DPP6: variants seen among roughly 807,000 people sequenced by gnomAD.
The protein encoded by DPP6 is A-type potassium channel modulatory protein DPP6.
DPP6 carries 69 observed loss-of-function variants against 122.6 expected under a neutral mutation model. The observed-to-expected ratio is 0.56, with a 90% CI of 0.46 to 0.69. The LOEUF (loss-of-function observed/expected upper bound fraction) is 0.69. Among genes scored for constraint, DPP6 ranks in the 30% least tolerant of loss-of-function variants. The pLI, the probability that DPP6 is intolerant of heterozygous loss-of-function variation, is 0.00. For missense variants in DPP6, 928 were observed against 1,116.9 expected (o/e 0.83, Z 2.41); for synonymous variants, 418 against 433.1 (o/e 0.97, Z 0.43).
At chr7:154,183,372 A>G (rs1798190797) in intron 1 of DPP6, among the ~76,000 whole-genome samples, 1 of 152,234 alleles carries the variant, frequency 6.6e-6, no homozygotes, top group Non-Finnish European at 1.5e-5. Flanking sequence ...AATGAAAAAC[A>G]GAAGGTGCCT....
chr7:154,788,854 C>T (rs114445894), intron 10 of DPP6, among the ~76,000 whole-genome samples: 2,458 of 152,296 alleles, frequency 0.016, 64 homozygotes, highest in African/African-American at 0.057. Flanking sequence ...TTTACACCTC[C>T]ATGTCACCTT....
intron 1 of DPP6, among the ~76,000 whole-genome samples, chr7:154,379,818 A>C (rs1300475808): frequency 6.6e-6 from 1 of 152,226 alleles, no homozygotes; most frequent in Non-Finnish European, 1.5e-5. Context: ...AACTTAAGCC[A>C]ATAGCCAAAC....
At chr7:154,566,640 T>G (rs6959418) in intron 4 of DPP6, among the ~76,000 whole-genome samples, 1 of 151,912 alleles carries the variant, frequency 6.6e-6, no homozygotes, top group African/African-American at 2.4e-5. Context: ...ATAAGTATGT[T>G]TTGTTGAAAT....
intron 1 of DPP6, among the ~76,000 whole-genome samples, chr7:154,422,377 G>A (rs961122599): frequency 4.6e-5 from 7 of 152,252 alleles, no homozygotes; most frequent in African/African-American, 1.7e-4. Context: ...TGTGTATGTG[G>A]GTGGGAACTA....
At chr7:154,428,657 A>G (rs1818105908) in intron 1 of DPP6, among the ~76,000 whole-genome samples, 1 of 152,246 alleles carries the variant, frequency 6.6e-6, no homozygotes, top group Non-Finnish European at 1.5e-5. Context: ...ACCATGGAAT[A>G]CTACTCAGCC....
At chr7:154,533,432 A>G (rs1399737672) in intron 3 of DPP6, among the ~76,000 whole-genome samples, 4 of 152,220 alleles carry the variant, frequency 2.6e-5, no homozygotes, top group African/African-American at 9.6e-5. Context: ...AAGAACTTGC[A>G]TCTGTAATTT....
At chr7:154,307,858 A>G (rs899960761) in intron 1 of DPP6, among the ~76,000 whole-genome samples, 4 of 148,864 alleles carry the variant, frequency 2.7e-5, no homozygotes, top group Non-Finnish European at 4.5e-5. Context: ...AAAGAGGAAT[A>G]TGTTTCTTTT....
intron 1 of DPP6, among the ~76,000 whole-genome samples, chr7:153,993,157 T>G (rs1471410825): frequency 1.3e-5 from 2 of 152,212 alleles, no homozygotes; most frequent in Non-Finnish European, 2.9e-5. Flanking sequence ...CACTAAAATG[T>G]AAGCTTTGTT....
intron 1 of DPP6, among the ~76,000 whole-genome samples, chr7:154,057,111 T>A (rs541756594): frequency 4.6e-5 from 7 of 152,238 alleles, no homozygotes; most frequent in Non-Finnish European, 8.8e-5. Flanking sequence ...GGCCAGGTAC[T>A]GAGAAGTGCC....
At chr7:154,779,712 G>T (rs1326158689) in intron 10 of DPP6, among the ~76,000 whole-genome samples, 1 of 152,176 alleles carries the variant, frequency 6.6e-6, no homozygotes, top group Non-Finnish European at 1.5e-5. Flanking sequence ...CCATCTGGAT[G>T]TTGGGGTTGT....
At chr7:154,791,817 C>T (rs1797699030) in intron 10 of DPP6, among the ~76,000 whole-genome samples, 1 of 152,248 alleles carries the variant, frequency 6.6e-6, no homozygotes, top group African/African-American at 2.4e-5. Flanking sequence ...CCCCAGCCCC[C>T]TGGTTCCATC....
the DPP6 span, among the ~76,000 whole-genome samples, chr7:153,831,904 C>T: frequency 6.6e-6 from 1 of 152,062 alleles, no homozygotes; most frequent in Admixed American, 6.5e-5. Context: ...GAATTGCAAG[C>T]CATGGAGGGA....
intron 1 of DPP6, among the ~76,000 whole-genome samples, chr7:154,414,896 C>G (rs959026445): frequency 2.6e-5 from 4 of 152,220 alleles, no homozygotes; most frequent in Non-Finnish European, 4.4e-5. Flanking sequence ...GTAATCCAGC[C>G]TCTGAAGTCA....
the DPP6 span, among the ~76,000 whole-genome samples, chr7:153,871,471 TG>T: frequency 3.9e-5 from 6 of 152,216 alleles, no homozygotes; most frequent in African/African-American, 1.4e-4. Flanking sequence ...TATAATCTCC[TG>T]GTGTATGGTT....
chr7:154,093,078 C>T (rs1202066678), intron 1 of DPP6, among the ~76,000 whole-genome samples: 1 of 151,472 alleles, frequency 6.6e-6, no homozygotes, highest in East Asian at 2.0e-4. Flanking sequence ...ACACATATCA[C>T]ATAATACACA....
intron 1 of DPP6, among the ~76,000 whole-genome samples, chr7:154,177,049 G>A (rs1487318733): frequency 6.6e-6 from 1 of 152,004 alleles, no homozygotes; most frequent in Non-Finnish European, 1.5e-5. Context: ...GCCCAGGCTG[G>A]TCTTGAACTC....
intron 1 of DPP6, among the ~76,000 whole-genome samples, chr7:154,415,771 G>A (rs1430396094): frequency 6.7e-6 from 1 of 150,094 alleles, no homozygotes; most frequent in Non-Finnish European, 1.5e-5. Context: ...TGCATTTTCA[G>A]TACTGGAAAG....
chr7:154,150,431 G>A (rs1297178348), intron 1 of DPP6, among the ~76,000 whole-genome samples: 2 of 152,156 alleles, frequency 1.3e-5, no homozygotes, highest in Admixed American at 6.5e-5. Context: ...TGGAGACATG[G>A]CTTTTTCTGG....
chr7:154,744,572 G>A (rs1587002906), intron 8 of DPP6, among the ~76,000 whole-genome samples: 2 of 152,356 alleles, frequency 1.3e-5, no homozygotes, highest in East Asian at 3.9e-4. Context: ...GAGGCTGCGA[G>A]CCTTGCAAGG....
Sources: gnomAD v4.1 joint callset for allele counts (sites outside exome capture counted in the v4.1 genomes callset) on GRCh38, gnomAD v4.1.1 for gene constraint, MANE v1.5 for transcripts, NCBI Gene and HGNC (gene_info 2026-07-23, HGNC 2026-07-21) for gene names.